Variants in ERBB4 observed in about 807,000 individuals in gnomAD.
ERBB4 encodes receptor tyrosine-protein kinase erbB-4.
A neutral mutation model predicts 158.0 loss-of-function variants in ERBB4; 42 were observed. The observed-to-expected ratio is 0.27, with a 90% confidence interval of 0.21 to 0.34. The LOEUF (loss-of-function observed/expected upper bound fraction) is 0.34. Ranked by LOEUF, ERBB4 falls within the 10% of genes least tolerant of loss-of-function variation. The pLI, the probability that ERBB4 is intolerant of heterozygous loss-of-function variation, is 1.00. For missense variants in ERBB4, 1,333 were observed against 1,624.1 expected, an observed-to-expected ratio of 0.82 and a Z score of 3.08; for synonymous variants, 583 against 558.7, an observed-to-expected ratio of 1.04 and a Z score of -0.61.
At chr2:212,391,795 TATA>T (rs1167373990) in intron 1 of ERBB4, among the ~76,000 whole-genome samples, 1 of 145,728 alleles carries the variant, frequency 6.9e-6, no homozygotes, top group African/African-American at 2.5e-5. Context: ...TATATTGACA[TATA>T]ATATTATGTG....
rs566781610 is a variant in ERBB4 at position 211,931,463 on chromosome 2, C to T, written c.421+15967G>A. Reference sequence around the variant, plus strand: ...CCCATGTGCTCAGAAAGCAAAACTACAGCACCGTTCTCTGCTGAATTGGAA... The same window carrying T: ...CCCATGTGCTCAGAAAGCAAAACTATAGCACCGTTCTCTGCTGAATTGGAA... On this transcript the variant is annotated intron_variant, in intron 3 of 27. Coordinates refer to ENST00000342788, the MANE Select transcript of ERBB4 (RefSeq NM_005235.3). Among the ~76,000 whole-genome samples, 12 of 152,052 alleles carry T rather than the reference C, an allele frequency of 7.9e-5. No individual in the cohort carries two copies. The South Asian group carries it at 2.5e-3, about 32-fold the overall frequency.
intron 2 of ERBB4, among the ~76,000 whole-genome samples, chr2:211,983,646 T>C (rs941651349): frequency 1.3e-5 from 2 of 152,178 alleles, no homozygotes; most frequent in Non-Finnish European, 2.9e-5. Context: ...CAGCATGTCA[T>C]ATTTAGAAAT....
chr2:212,263,713 C>T (rs1480768074), intron 1 of ERBB4, among the ~76,000 whole-genome samples: 2 of 151,496 alleles, frequency 1.3e-5, no homozygotes, highest in African/African-American at 4.9e-5. Flanking sequence ...TGTATTGGTC[C>T]CATAATAAAA....
At chr2:211,572,890 T>C (rs1186997951) in intron 19 of ERBB4, among the ~76,000 whole-genome samples, 1 of 152,142 alleles carries the variant, frequency 6.6e-6, no homozygotes, top group Non-Finnish European at 1.5e-5. Context: ...GCTTGCATGT[T>C]ACCAACACTC....
At chr2:212,440,457 G>C (rs2092230047) in intron 1 of ERBB4, among the ~76,000 whole-genome samples, 1 of 152,188 alleles carries the variant, frequency 6.6e-6, no homozygotes, top group Non-Finnish European at 1.5e-5. Flanking sequence ...CAGGCAGCCT[G>C]TTGTGGGACC....
chr2:211,941,507 G>A (rs1036346568), intron 3 of ERBB4, among the ~76,000 whole-genome samples: 2 of 151,680 alleles, frequency 1.3e-5, no homozygotes, highest in African/African-American at 2.4e-5. Context: ...GGCCAATAAA[G>A]GATGAAACAT....
rs192459940 is a variant in ERBB4 at position 211,995,672 on chromosome 2, C to T, written c.235-48056G>A. Among the ~76,000 whole-genome samples the T allele has an allele frequency of 1.9e-4, 29 of 152,188 alleles. No homozygotes were observed. In the East Asian group the frequency reaches 2.1e-3, roughly 11 times the overall value. ...GTGTCGTGCTTTTCATAGGCTCTTG[C>T]GCATTACTGCTTGTATCTCAGGTAC... On this transcript the variant is annotated intron_variant, in intron 2 of 27. Transcript: ENST00000342788.
chr2:211,611,388 G>T (rs1559347006), intron 19 of ERBB4, among the ~76,000 whole-genome samples: 2 of 144,094 alleles, frequency 1.4e-5, no homozygotes, highest in African/African-American at 5.7e-5. Flanking sequence ...ACCCTTCTGG[G>T]TCCAAAGTAA....
intron 3 of ERBB4, among the ~76,000 whole-genome samples, chr2:211,910,070 C>T (rs2079503763): frequency 1.3e-5 from 2 of 151,272 alleles, no homozygotes; most frequent in African/African-American, 4.8e-5. Flanking sequence ...CAGGCATGCA[C>T]CACCATGGCC....
chr2:211,681,916 T>G (rs2072351893), intron 12 of ERBB4, among the ~76,000 whole-genome samples: 1 of 152,100 alleles, frequency 6.6e-6, no homozygotes, highest in African/African-American at 2.4e-5. Context: ...TCACAAAGGT[T>G]TCCTCTGGTA....
At chr2:212,085,828 T>C (rs2078588117) in intron 2 of ERBB4, among the ~76,000 whole-genome samples, 2 of 131,060 alleles carry the variant, frequency 1.5e-5, no homozygotes, top group Admixed American at 8.7e-5. Flanking sequence ...GTATCTAAGA[T>C]ATTATATAAT....
At chr2:211,679,476 C>G (rs938155464) in intron 12 of ERBB4, among the ~76,000 whole-genome samples, 1 of 152,082 alleles carries the variant, frequency 6.6e-6, no homozygotes, top group African/African-American at 2.4e-5. Flanking sequence ...TCTGTCCAAG[C>G]TAAAGAATAA....
chr2:211,861,923 T>A (rs1430860032), intron 3 of ERBB4, among the ~76,000 whole-genome samples: 1 of 148,480 alleles, frequency 6.7e-6, no homozygotes, highest in Non-Finnish European at 1.5e-5. Flanking sequence ...AATGATCTTT[T>A]AAAAAATTTT....
At chr2:211,606,477 T>A (rs922881529) in intron 19 of ERBB4, among the ~76,000 whole-genome samples, 10 of 151,838 alleles carry the variant, frequency 6.6e-5, no homozygotes, top group Non-Finnish European at 1.3e-4. Context: ...TTACTTTAAA[T>A]GACAATTGAA....
intron 20 of ERBB4, among the ~76,000 whole-genome samples, chr2:211,561,085 T>C (rs1023230221): frequency 2.0e-5 from 3 of 152,168 alleles, no homozygotes; most frequent in African/African-American, 7.2e-5. Flanking sequence ...ATTATCAAGA[T>C]AGATATCTGG....
chr2:212,280,044 T>C (rs1203809784), intron 1 of ERBB4, among the ~76,000 whole-genome samples: 1 of 151,660 alleles, frequency 6.6e-6, no homozygotes, highest in Non-Finnish European at 1.5e-5. Flanking sequence ...AAAGAAATTT[T>C]CTTCAAAAAG....
chr2:211,942,323 T>C (rs1349384434), intron 3 of ERBB4, among the ~76,000 whole-genome samples: 3 of 150,716 alleles, frequency 2.0e-5, no homozygotes, highest in Admixed American at 6.6e-5. Flanking sequence ...AGTTTCTGGA[T>C]GAAGCATTTT....
At chr2:211,616,538 G>C (rs1424405886) in intron 19 of ERBB4, among the ~76,000 whole-genome samples, 1 of 142,414 alleles carries the variant, frequency 7.0e-6, no homozygotes, top group Non-Finnish European at 1.6e-5. Flanking sequence ...CTTTTTTGTG[G>C]TTTGTTATTC....
intron 1 of ERBB4, among the ~76,000 whole-genome samples, chr2:212,188,907 T>C (rs1220815354): frequency 6.6e-6 from 1 of 152,116 alleles, no homozygotes; most frequent in East Asian, 1.9e-4. Context: ...ATGTTCTTAT[T>C]AAATGCATGC....
Sources: allele counts gnomAD v4.1 joint callset (sites outside exome capture counted in the v4.1 genomes callset), GRCh38; gene constraint gnomAD v4.1.1; transcripts MANE v1.5; gene names NCBI Gene and HGNC (gene_info 2026-07-23, HGNC 2026-07-21).